Variants in IL16 observed in about 807,000 individuals in gnomAD.
IL16 encodes the protein interleukin 16, also known as pro-interleukin-16.
In IL16, 67 loss-of-function variants were observed where a neutral mutation model predicts 110.1. The observed-to-expected ratio is 0.61, with a 90% CI of 0.50 to 0.75. The LOEUF is 0.75. Among genes scored for constraint, IL16 ranks in the 30% least tolerant of loss-of-function variants. IL16 has a pLI of 0.00. For missense variants in IL16, 1,545 were observed against 1,655.0 expected (o/e 0.93, Z 1.15); for synonymous variants, 689 against 662.9 (o/e 1.04, Z -0.61).
At chr15:81,263,263 T>TTA (rs1898229852) in intron 3 of IL16, among the ~76,000 whole-genome samples, 1 of 152,180 alleles carries the variant, frequency 6.6e-6, no homozygotes, top group South Asian at 2.1e-4. Flanking sequence ...CAACATAACT[T>TTA]TATAAACTCA....
At chr15:81,219,430 T>TTTGGAGGTAATATATTACCTCCATA (rs72390727) in intron 1 of IL16, among the ~76,000 whole-genome samples, 74 of 152,158 alleles carry the variant, frequency 4.9e-4, no homozygotes, top group East Asian at 1.5e-3. Flanking sequence ...ATAGCAGGCC[T>TTTGGAGGTAATATATTACCTCCATA]TTGGAGGTAA....
intron 9 of IL16, among the ~76,000 whole-genome samples, chr15:81,283,497 C>A (rs1567035750): frequency 6.6e-6 from 1 of 152,164 alleles, no homozygotes; most frequent in Non-Finnish European, 1.5e-5. Context: ...ACGCCCGGAC[C>A]CAGACCTGCT....
At chr15:81,284,088 G>A (rs889969174) in intron 9 of IL16, among the ~76,000 whole-genome samples, 1 of 151,626 alleles carries the variant, frequency 6.6e-6, no homozygotes, top group Non-Finnish European at 1.5e-5. Flanking sequence ...ATATTTCTGG[G>A]TACTCCAGAT....
At chr15:81,284,879 C>T (rs545961778) in intron 9 of IL16, among the ~76,000 whole-genome samples, 1 of 152,210 alleles carries the variant, frequency 6.6e-6, no homozygotes, top group Non-Finnish European at 1.5e-5. Flanking sequence ...TGAATAGTTT[C>T]GATAAAGACA....
At position 81,300,085 on chromosome 15, in the gene IL16, C is replaced by T. The variant is rs764044185; in HGVS notation, c.2759C>T (p.Ser920Phe). The change falls in exon 14 of 19, where the codon TCT becomes TTT. Residue 920 changes from serine (S) to phenylalanine (F), a missense_variant. Coordinates refer to ENST00000683961, the MANE Select transcript of IL16 (RefSeq NM_172217.5). ...TCCGAGGCCAGAGACCCAGGTGTGT[C>T]TGAGTCCCCTCCCCCAGGGCGGCAG... is the stretch of plus-strand genomic sequence containing the variant. The part of the protein sequence containing the change: ...AASEARDPGV[S>F]ESPPPGRQPN... The T allele has an allele frequency of 1.9e-6, 3 of 1,578,386 alleles. No individual in the cohort carries two copies. The highest frequency in any genetic ancestry group is 2.4e-5 in the South Asian group (2 of 84,310).
intron 2 of IL16, among the ~76,000 whole-genome samples, chr15:81,232,197 C>G (rs1299938774): frequency 1.3e-5 from 2 of 151,802 alleles, no homozygotes; most frequent in Admixed American, 1.3e-4. Flanking sequence ...ATTCCAGTCC[C>G]TTTACATGAT....
intron 1 of IL16, among the ~76,000 whole-genome samples, chr15:81,207,750 A>G (rs1245571609): frequency 6.6e-6 from 1 of 151,486 alleles, no homozygotes; most frequent in East Asian, 1.9e-4. Flanking sequence ...TACGTACCAC[A>G]TTTTCTTTAC....
At chr15:81,200,466 C>T (rs1316698782) in intron 1 of IL16, among the ~76,000 whole-genome samples, 2 of 152,090 alleles carry the variant, frequency 1.3e-5, no homozygotes, top group African/African-American at 4.8e-5. Flanking sequence ...ACTCCGTGAG[C>T]TCAGGTGATT....
rs573843978 is a variant in IL16, at chr15:81,237,950, G to C, written c.312+12239G>C. Among the ~76,000 whole-genome samples the C allele has an allele frequency of 1.2e-4, 18 of 151,838 alleles. No homozygotes were observed. In the South Asian group the frequency reaches 3.8e-3, roughly 32 times the overall value. On this transcript the variant is annotated intron_variant, in intron 2 of 18. Transcript: ENST00000683961. The stretch of plus-strand genomic sequence containing the variant: ...GACGGAGTCTTGCTCTGTCACCCAG[G>C]CTGGAGTGCAGTGATGCAATCTCGG...
In IL16 at chr15:81,266,622, C is replaced by T. The variant is rs567443315; in HGVS notation, c.564+821C>T. ...ACACAGCGCCCTCTGTCTGTAGCAT[C>T]TCACCCCTCCTTCTCTGATCTCTAT... On this transcript the variant is annotated intron_variant, in intron 4 of 18. Transcript: ENST00000683961. Among the ~76,000 whole-genome samples, 10 of 152,322 alleles carry T rather than the reference C, an allele frequency of 6.6e-5. No individual in the cohort carries two copies. In the South Asian group the frequency reaches 1.4e-3, roughly 22 times the overall value.
At chr15:81,259,564 T>C (rs900654893) in intron 2 of IL16, among the ~76,000 whole-genome samples, 10 of 152,240 alleles carry the variant, frequency 6.6e-5, no homozygotes, top group African/African-American at 2.4e-4. Context: ...AATCTATTCA[T>C]TCAATATTTG....
At chr15:81,257,670 T>C (rs1897998199) in intron 2 of IL16, among the ~76,000 whole-genome samples, 1 of 152,040 alleles carries the variant, frequency 6.6e-6, no homozygotes, top group South Asian at 2.1e-4. Flanking sequence ...CAAGCATAGA[T>C]CCTCCCTCTG....
At chr15:81,232,590 T>C (rs754316352) in intron 2 of IL16, among the ~76,000 whole-genome samples, 4 of 152,194 alleles carry the variant, frequency 2.6e-5, no homozygotes, top group Non-Finnish European at 4.4e-5. Flanking sequence ...TGTGAAATGA[T>C]TTTTTCCTGC....
chr15:81,210,612 A>G (rs1389180659), intron 1 of IL16, among the ~76,000 whole-genome samples: 1 of 152,140 alleles, frequency 6.6e-6, no homozygotes, highest in Non-Finnish European at 1.5e-5. Context: ...GGCTATTACA[A>G]GTGGGATTGT....
intron 2 of IL16, among the ~76,000 whole-genome samples, chr15:81,243,164 T>TATATATACATATATATATATA (rs60077602): frequency 6.3e-5 from 1 of 15,772 alleles, no homozygotes; most frequent in Non-Finnish European, 1.1e-4. Context: ...TATATATATA[T>TATATATACATATATATATATA]TTTTTTTTTT....
intron 3 of IL16, among the ~76,000 whole-genome samples, chr15:81,261,714 G>A (rs1898164635): frequency 1.3e-5 from 2 of 151,998 alleles, no homozygotes; most frequent in South Asian, 4.2e-4. Context: ...AATCCCAACT[G>A]AGTGTGCCTT....
chr15:81,295,570 T>TA, intron 12 of IL16: 1 of 1,189,492 alleles, frequency 8.4e-7, no homozygotes, highest in South Asian at 1.3e-5. Context: ...ACAAGAGACT[T>TA]AGAGATCATC....
intron 2 of IL16, among the ~76,000 whole-genome samples, chr15:81,226,328 C>T (rs1896787512): frequency 6.6e-6 from 1 of 152,180 alleles, no homozygotes; most frequent in Non-Finnish European, 1.5e-5. Flanking sequence ...TATCATATTT[C>T]AATTTTTGTC....
Position 81,306,432 on chromosome 15 carries a change from C to G in IL16, c.3692C>G (p.Thr1231Arg), listed in dbSNP as rs144242517. 1.9e-6 allele frequency: 3 copies of G among 1,614,058 alleles called. No homozygotes were observed. The highest frequency in any genetic ancestry group is 2.2e-5 in the South Asian group (2 of 91,076). The change falls in exon 18 of 19, where the codon ACA (threonine) becomes AGA (arginine). Residue 1231 changes from threonine (T) to arginine (R), a missense_variant. Coordinates refer to ENST00000683961, the MANE Select transcript of IL16 (RefSeq NM_172217.5). ...GTGTTTTTCTCAGCAGCAGAGGCCA[C>G]AGTCTGCACGGTGACACTGGAGAAG... The part of the protein sequence containing the change: ...DVSVESTAEA[T>R]VCTVTLEKMS...
Sources: gnomAD v4.1 joint callset for allele counts (sites outside exome capture counted in the v4.1 genomes callset) on GRCh38, gnomAD v4.1.1 for gene constraint, MANE v1.5 for transcripts, NCBI Gene and HGNC (gene_info 2026-07-23, HGNC 2026-07-21) for gene names.